The following SYCP1 variants were observed in gnomAD, a reference collection of about 807,000 sequenced individuals.
The protein encoded by SYCP1 is synaptonemal complex protein 1.
In SYCP1, 64 loss-of-function variants were observed where a neutral mutation model predicts 153.1. The ratio of observed to expected loss-of-function variants is 0.42; its 90% confidence interval spans 0.34 to 0.51. The LOEUF (loss-of-function observed/expected upper bound fraction) is 0.51, where lower values mean the gene tolerates loss of function less well. Among genes scored for constraint, SYCP1 ranks in the 20% least tolerant of loss-of-function variants. The pLI is 0.06. For missense variants in SYCP1, 997 were observed against 1,049.0 expected (o/e 0.95, Z 0.68); for synonymous variants, 384 against 341.8 (o/e 1.12, Z -1.36).
intron 8 of SYCP1, among the ~76,000 whole-genome samples, chr1:114,861,213 C>T (rs1664349796): frequency 6.6e-6 from 1 of 152,004 alleles, no homozygotes; most frequent in African/African-American, 2.4e-5. Context: ...TATTTTCAAT[C>T]TAAATAGAAT....
At chr1:114,906,653 G>C (rs930909083) in intron 16 of SYCP1, among the ~76,000 whole-genome samples, 3 of 152,126 alleles carry the variant, frequency 2.0e-5, no homozygotes, top group African/African-American at 7.2e-5. Flanking sequence ...TGTATTTGGA[G>C]AATTTCCTGT....
rs190315693 is a variant in SYCP1, at chr1:114,971,129, T to C, written c.2323-6428T>C. On this transcript the variant is annotated intron_variant, in intron 27 of 31. Coordinates refer to ENST00000369522, the MANE Select transcript of SYCP1 (RefSeq NM_003176.4). ...GGCCTAACATCACCTGGATAAGTAT[T>C]CAGGTTTCTCAGGTAATGGGCAGAG... Among the ~76,000 whole-genome samples the C allele has an allele frequency of 1.6e-4, 25 of 152,312 alleles. No homozygotes were observed. The East Asian group carries it at 4.6e-3, about 28-fold the overall frequency.
rs547287290 is a variant in SYCP1 at position 114,950,167 on chromosome 1, G to A, written c.2322+2847G>A. On this transcript the variant is annotated intron_variant, in intron 27 of 31. Transcript: ENST00000369522. ...GCAAAAGTGGCTTTTCTGAGAGGAT[G>A]CTTTAAGAGACACCACATCGTCTTC... is the stretch of plus-strand genomic sequence containing the variant. Among the ~76,000 whole-genome samples, 4 of 152,312 alleles carry A rather than the reference G, an allele frequency of 2.6e-5. No homozygotes were observed. The East Asian group carries it at 5.8e-4, about 22-fold the overall frequency.
chr1:114,857,317 A>G, intron 4 of SYCP1, 42 bp downstream of exon 4: 1 of 1,582,256 alleles, frequency 6.3e-7, no homozygotes, highest in Non-Finnish European at 8.6e-7. Context: ...CTGTTTAGGT[A>G]ATGAACTGCT....
intron 28 of SYCP1, among the ~76,000 whole-genome samples, chr1:114,979,604 G>T (rs976468307): frequency 6.6e-6 from 1 of 151,666 alleles, no homozygotes; most frequent in Admixed American, 6.6e-5. Context: ...AATCCAGAGA[G>T]CAGTAAAAAA....
chr1:114,885,203 A>C (rs1314581773), intron 12 of SYCP1, among the ~76,000 whole-genome samples: 1 of 152,128 alleles, frequency 6.6e-6, no homozygotes, highest in Non-Finnish European at 1.5e-5. Context: ...TAAAATTTGT[A>C]TTACATTTTC....
At chr1:114,858,765 T>TCTACTTTCAACA in intron 6 of SYCP1, 54 bp downstream of exon 6, 6 of 1,419,176 alleles carry the variant, frequency 4.2e-6, no homozygotes, top group Non-Finnish European at 5.8e-6. Flanking sequence ...ATCATAATAC[T>TCTACTTTCAACA]GTTGAAAGTA....
At chr1:114,898,702 T>G (rs1466448988) in intron 16 of SYCP1, among the ~76,000 whole-genome samples, 1 of 152,224 alleles carries the variant, frequency 6.6e-6, no homozygotes, top group Non-Finnish European at 1.5e-5. Flanking sequence ...CTGAGTTGTT[T>G]GCAAAATAGA....
chr1:114,927,952 C>T (rs1454528157), intron 23 of SYCP1, among the ~76,000 whole-genome samples: 2 of 152,074 alleles, frequency 1.3e-5, no homozygotes, highest in Non-Finnish European at 2.9e-5. Context: ...TCCTGAGTAG[C>T]TGAGACTACA....
chr1:114,856,861 G>A (rs1663979919), intron 3 of SYCP1, among the ~76,000 whole-genome samples: 2 of 130,114 alleles, frequency 1.5e-5, no homozygotes, highest in Non-Finnish European at 3.1e-5. Context: ...GATGGAGGGG[G>A]ATCACTTGAG....
chr1:114,905,989 G>A (rs1667783411), intron 16 of SYCP1, among the ~76,000 whole-genome samples: 2 of 151,246 alleles, frequency 1.3e-5, no homozygotes, highest in South Asian at 4.2e-4. Flanking sequence ...TTTTGGAGAT[G>A]GAGTCTTGTT....
intron 20 of SYCP1, among the ~76,000 whole-genome samples, chr1:114,922,913 G>C (rs1309988349): frequency 6.6e-6 from 1 of 152,076 alleles, no homozygotes; most frequent in Non-Finnish European, 1.5e-5. Context: ...TTCCAAAATG[G>C]AGAAATCAGC....
At chr1:114,919,476 G>A (rs1054885469) in intron 20 of SYCP1, among the ~76,000 whole-genome samples, 1 of 151,750 alleles carries the variant, frequency 6.6e-6, no homozygotes, top group Non-Finnish European at 1.5e-5. Context: ...TTTTTTATGT[G>A]TCTTTATTTG....
intron 27 of SYCP1, among the ~76,000 whole-genome samples, chr1:114,956,062 T>A (rs1671414251): frequency 6.6e-6 from 1 of 152,210 alleles, no homozygotes; most frequent in Non-Finnish European, 1.5e-5. Flanking sequence ...TGAGAGCTGC[T>A]AACACAAGGA....
At chr1:114,876,902 A>G (rs1665578310) in intron 11 of SYCP1, 92 bp downstream of exon 11, 2 of 611,462 alleles carry the variant, frequency 3.3e-6, no homozygotes, top group Non-Finnish European at 4.8e-6. Flanking sequence ...TACTGAAAGT[A>G]TGATAAATTC....
At chr1:114,963,992 T>A (rs1247309242) in intron 27 of SYCP1, among the ~76,000 whole-genome samples, 3 of 152,120 alleles carry the variant, frequency 2.0e-5, no homozygotes, top group South Asian at 2.1e-4. Flanking sequence ...TCCCACCAAC[T>A]GTGTAAAAGC....
At chr1:114,866,531 T>A (rs1456440481) in intron 8 of SYCP1, among the ~76,000 whole-genome samples, 1 of 152,158 alleles carries the variant, frequency 6.6e-6, no homozygotes, top group Non-Finnish European at 1.5e-5. Context: ...TCAGGTTGCA[T>A]GTTTTCTTAT....
intron 3 of SYCP1, 49 bp from the exon 4 acceptor site, chr1:114,857,183 G>C: frequency 3.2e-6 from 2 of 615,568 alleles, no homozygotes; most frequent in East Asian, 3.4e-5. Context: ...AAAAAAGAAA[G>C]AGAAAAAGAT....
At chr1:114,952,465 A>G (rs1671171187) in intron 27 of SYCP1, among the ~76,000 whole-genome samples, 1 of 152,210 alleles carries the variant, frequency 6.6e-6, no homozygotes, top group African/African-American at 2.4e-5. Flanking sequence ...TGGGTAATTT[A>G]TAAAGAAAAG....
Sources: gnomAD v4.1 joint callset for allele counts (sites outside exome capture counted in the v4.1 genomes callset) on GRCh38, gnomAD v4.1.1 for gene constraint, MANE v1.5 for transcripts, NCBI Gene and HGNC (gene_info 2026-07-23, HGNC 2026-07-21) for gene names.